The following STIM1 variants were observed in gnomAD, a reference collection of about 807,000 sequenced individuals.
The protein encoded by STIM1 is stromal interaction molecule 1.
A neutral mutation model predicts 74.7 loss-of-function variants in STIM1; 25 were observed. The ratio of observed to expected loss-of-function variants is 0.33; its 90% CI spans 0.24 to 0.47. The LOEUF (loss-of-function observed/expected upper bound fraction) is 0.47. STIM1 is among the 20% of genes least tolerant of loss of function. The pLI, the probability that STIM1 is intolerant of heterozygous loss-of-function variation, is 1.00. For missense variants in STIM1, 728 were observed against 920.8 expected, an observed-to-expected ratio of 0.79 and a Z score of 2.71; for synonymous variants, 328 against 348.8, an observed-to-expected ratio of 0.94 and a Z score of 0.66.
At chr11:3,981,904 G>C (rs144872365) in intron 2 of STIM1, among the ~76,000 whole-genome samples, 1 of 152,334 alleles carries the variant, frequency 6.6e-6, no homozygotes, top group African/African-American at 2.4e-5. Context: ...GCAAAAGTAT[G>C]TACTTATAAA....
At chr11:3,929,090 A>G (rs2092826584) in intron 1 of STIM1, among the ~76,000 whole-genome samples, 1 of 152,152 alleles carries the variant, frequency 6.6e-6, no homozygotes, top group Non-Finnish European at 1.5e-5. Context: ...ATCTCAAGTG[A>G]TCTGCTCGCC....
At chr11:3,873,356 T>G (rs2091191427) in intron 1 of STIM1, among the ~76,000 whole-genome samples, 1 of 147,806 alleles carries the variant, frequency 6.8e-6, no homozygotes, top group African/African-American at 2.5e-5. Context: ...AGGCGTAGGT[T>G]GCAGTGAGCC....
At chr11:3,953,546 G>C (rs1406456741) in intron 1 of STIM1, among the ~76,000 whole-genome samples, 1 of 152,124 alleles carries the variant, frequency 6.6e-6, no homozygotes, top group Admixed American at 6.6e-5. Flanking sequence ...AAGTTAGTGT[G>C]GTTTCTAATC....
chr11:3,872,225 G>T (rs535942099), intron 1 of STIM1, among the ~76,000 whole-genome samples: 1 of 151,610 alleles, frequency 6.6e-6, no homozygotes, highest in Admixed American at 6.6e-5. Context: ...GCTAAGTTTT[G>T]TATTTTTAGT....
rs773847470 is a variant in STIM1, at chr11:4,088,763, G to A, written c.1634+2220G>A. The A allele has an allele frequency of 2.3e-5, 35 of 1,535,276 alleles. 1 individual carries two copies. Among genetic ancestry groups the A allele is most frequent in the Middle Eastern group, 3.3e-4 (2 of 5,986 alleles). ...GGTCAGTAGCTTGGGATGGGAGTCC[G>A]AGGCAGCCCAGCCTTTGGGGAGGGA... is the stretch of plus-strand genomic sequence containing the variant. On this transcript the variant is annotated intron_variant, in intron 12 of 12. Transcript: ENST00000526596.
At chr11:3,941,653 CATATATAT>C (rs56890594) in intron 1 of STIM1, among the ~76,000 whole-genome samples, 1,248 of 122,794 alleles carry the variant, frequency 0.01, 34 homozygotes, top group African/African-American at 0.037. Flanking sequence ...TGTGTGTATA[CATATATAT>C]ATATATATAT....
At chr11:3,914,628 G>T (rs574613472) in intron 1 of STIM1, among the ~76,000 whole-genome samples, 132 of 152,226 alleles carry the variant, frequency 8.7e-4, no homozygotes, top group African/African-American at 3.0e-3. Flanking sequence ...TTTTAGTGGA[G>T]ATGGGGTTTC....
chr11:4,082,312 G>A lies in STIM1; in HGVS notation c.1098G>A (p.Lys366=), dbSNP rs754210220. The stretch of plus-strand genomic sequence containing the variant: ...AGGTGCAATATTACAACATCAAGAA[G>A]CAAAATGCTGAGAAGCAGCTGCTGG... The part of the protein sequence containing the change: ...EVEVQYYNIK[K]QNAEKQLLVA... Residue 366 remains lysine (K), a synonymous_variant, in exon 8 of 13, where the codon AAG becomes AAA. Coordinates refer to ENST00000526596, the MANE Select transcript of STIM1 (RefSeq NM_001382567.1). 6 of 1,613,558 alleles carry A rather than the reference G, an allele frequency of 3.7e-6. 1 individual carries two copies. In the African/African-American group the frequency reaches 8.0e-5, roughly 22 times the overall value.
intron 3 of STIM1, among the ~76,000 whole-genome samples, chr11:4,037,271 G>A (rs1223839857): frequency 1.3e-5 from 2 of 152,172 alleles, no homozygotes; most frequent in African/African-American, 2.4e-5. Context: ...GACTGGTCTC[G>A]AACTCCTGAC....
intron 1 of STIM1, among the ~76,000 whole-genome samples, chr11:3,897,516 T>C (rs917522382): frequency 1.3e-5 from 2 of 152,130 alleles, no homozygotes; most frequent in African/African-American, 4.8e-5. Context: ...ATTTTTTTAT[T>C]TTATTATTAT....
rs201215981 is a variant in STIM1 at position 4,093,061 on chromosome 11, G to A, written c.*1263G>A. 1 of 152,780 alleles carries A rather than the reference G, an allele frequency of 6.5e-6. No individual in the cohort carries two copies. Among genetic ancestry groups the A allele is most frequent in the African/African-American group, 2.4e-5 (1 of 41,434 alleles). The allele number at this position is 152,780 out of a possible 1,614,324, so 9.5% of individuals were successfully genotyped here. ...CCTTTATCCTGGGATCCTATTTTGG[G>A]CCTGGGGTGGGTATACCTGGGGCTG... On this transcript the variant is annotated 3_prime_UTR_variant, in exon 13 of 13. Coordinates refer to ENST00000526596, the MANE Select transcript of STIM1 (RefSeq NM_001382567.1).
chr11:3,989,588 G>A (rs1178257835), intron 2 of STIM1: 1 of 454,160 alleles, frequency 2.2e-6, no homozygotes, highest in Non-Finnish European at 4.1e-6. Flanking sequence ...TCCCCAGAAG[G>A]GGCGGTGGGA....
chr11:4,027,504 G>A (rs2094007754), intron 3 of STIM1, among the ~76,000 whole-genome samples: 1 of 152,040 alleles, frequency 6.6e-6, no homozygotes, highest in African/African-American at 2.4e-5. Context: ...TAGAGACGGG[G>A]TTTCACCGTG....
At chr11:3,922,012 G>A (rs899867412) in intron 1 of STIM1, 1 of 152,164 alleles carries the variant, frequency 6.6e-6, no homozygotes, top group African/African-American at 2.4e-5. Flanking sequence ...TAGCCACTCA[G>A]TTAAGCCACT....
At chr11:3,881,458 C>T (rs1401662001) in intron 1 of STIM1, among the ~76,000 whole-genome samples, 2 of 149,810 alleles carry the variant, frequency 1.3e-5, no homozygotes, top group Admixed American at 6.6e-5. Flanking sequence ...GCCAGCTCCG[C>T]CTCCCGGGTT....
chr11:3,927,864 T>C (rs2135548156), intron 1 of STIM1, among the ~76,000 whole-genome samples: 1 of 152,332 alleles, frequency 6.6e-6, no homozygotes, highest in African/African-American at 2.4e-5. Flanking sequence ...GGTTGCTAAA[T>C]TTGCAATCTA....
chr11:4,069,934 G>A, intron 5 of STIM1, 92 bp from the exon 6 acceptor site: 2 of 1,398,694 alleles, frequency 1.4e-6, no homozygotes, highest in Admixed American at 1.7e-5. Flanking sequence ...TGTCTGTTAT[G>A]GAAGGCTTCA....
At chr11:3,910,882 A>G (rs1420580944) in intron 1 of STIM1, among the ~76,000 whole-genome samples, 1 of 151,924 alleles carries the variant, frequency 6.6e-6, no homozygotes, top group Non-Finnish European at 1.5e-5. Context: ...GCTACTCAGG[A>G]GGCTGAGGCA....
intron 1 of STIM1, among the ~76,000 whole-genome samples, chr11:3,910,473 A>G (rs1014971666): frequency 2.0e-5 from 3 of 152,180 alleles, no homozygotes; most frequent in African/African-American, 4.8e-5. Context: ...ACCTGCTTGC[A>G]GTCCCAGCTA....
Sources: gnomAD v4.1 joint callset for allele counts (sites outside exome capture counted in the v4.1 genomes callset) on GRCh38, gnomAD v4.1.1 for gene constraint, MANE v1.5 for transcripts, NCBI Gene and HGNC (gene_info 2026-07-23, HGNC 2026-07-21) for gene names.